Variants in PCLO observed in about 807,000 individuals in gnomAD.
PCLO encodes the protein protein piccolo.
A neutral mutation model predicts 427.5 loss-of-function variants in PCLO; 82 were observed. The ratio of observed to expected loss-of-function variants is 0.19; its 90% CI spans 0.16 to 0.23. The LOEUF (loss-of-function observed/expected upper bound fraction) is 0.23, where lower values mean the gene tolerates loss of function less well. Ranked by LOEUF, PCLO falls within the 10% of genes least tolerant of loss-of-function variation. The pLI, the probability that PCLO is intolerant of heterozygous loss-of-function variation, is 1.00. For missense variants in PCLO, 6,239 were observed against 6,115.9 expected (o/e 1.02, Z -0.67); for synonymous variants, 2,357 against 2,155.4 (o/e 1.09, Z -2.59).
chr7:83,084,337 C>A (rs7784368), intron 3 of PCLO, among the ~76,000 whole-genome samples: 74,203 of 151,646 alleles, frequency 0.49, 18,267 homozygotes, highest in African/African-American at 0.51. Context: ...ATAAAAAAAT[C>A]TTTGAAGCCC....
chr7:83,132,780 A>G (rs1440713500), intron 3 of PCLO, among the ~76,000 whole-genome samples: 3 of 152,102 alleles, frequency 2.0e-5, no homozygotes, highest in African/African-American at 7.2e-5. Context: ...TGTTGATACT[A>G]TAAGGATCCT....
chr7:82,998,129 T>C (rs1331080823), intron 3 of PCLO, among the ~76,000 whole-genome samples: 1 of 151,906 alleles, frequency 6.6e-6, no homozygotes, highest in Non-Finnish European at 1.5e-5. Flanking sequence ...CGGAAACCAG[T>C]ACTGGGGCTG....
chr7:82,953,012 T>C lies in PCLO; in HGVS notation c.7941A>G (p.Thr2647=). The C allele has an allele frequency of 6.2e-7, 1 of 1,613,854 alleles. No individual in the cohort carries two copies. Among genetic ancestry groups the C allele is most frequent in the South Asian group, 1.1e-5 (1 of 91,070 alleles). ...QTFYISGALQ[T]FSATPVTAPS... ...GTGCTGTGACAGGGGTAGCAGAAAATGTCTGTAAAGCTCCAGAGATGTAGA... is the reference window on the plus strand; with the variant it reads ...GTGCTGTGACAGGGGTAGCAGAAAACGTCTGTAAAGCTCCAGAGATGTAGA... The change falls in exon 5 of 25, where the codon ACA becomes ACG. Residue 2647 remains threonine, a synonymous_variant. Coordinates refer to ENST00000333891, the MANE Select transcript of PCLO (RefSeq NM_033026.6).
intron 20 of PCLO, among the ~76,000 whole-genome samples, chr7:82,818,840 A>G (rs2115619211): frequency 6.6e-6 from 1 of 152,320 alleles, no homozygotes; most frequent in South Asian, 2.1e-4. Context: ...ACTCTGTACA[A>G]CATGAAGAAC....
In PCLO at chr7:83,134,374, C is replaced by T. The variant is rs779314688; in HGVS notation, c.3176G>A (p.Cys1059Tyr). 2 of 1,613,628 alleles carry T rather than the reference C, an allele frequency of 1.2e-6. No homozygotes were observed. The highest frequency in any genetic ancestry group is 1.7e-5 in the Admixed American group (1 of 59,974). The change falls in exon 3 of 25, where the codon TGT (cysteine) becomes TAT (tyrosine). Residue 1059 changes from cysteine (C) to tyrosine (Y), a missense_variant. Transcript: ENST00000333891. Reference sequence around the variant, plus strand: ...GTTGAGTTCAGTTTTGCAGAGAGGACAGGTTGATTCTGGTTTGGGCGATTT... The same window carrying T: ...GTTGAGTTCAGTTTTGCAGAGAGGATAGGTTGATTCTGGTTTGGGCGATTT... ...LEKSPKPEST[C>Y]PLCKTELNIG...
chr7:83,044,692 A>T (rs1365278283), intron 3 of PCLO, among the ~76,000 whole-genome samples: 1 of 152,154 alleles, frequency 6.6e-6, no homozygotes, highest in Non-Finnish European at 1.5e-5. Flanking sequence ...TATTATACTG[A>T]TTGGTAATTT....
At chr7:82,927,072 A>T (rs951504258) in intron 6 of PCLO, among the ~76,000 whole-genome samples, 1 of 152,074 alleles carries the variant, frequency 6.6e-6, no homozygotes, top group African/African-American at 2.4e-5. Flanking sequence ...CAACCACTTT[A>T]TTCAACTATC....
chr7:82,965,464 C>T (rs1022937431), intron 4 of PCLO, among the ~76,000 whole-genome samples: 3 of 151,614 alleles, frequency 2.0e-5, no homozygotes, highest in African/African-American at 7.3e-5. Flanking sequence ...TTTTTATATC[C>T]ATAGTAGAGA....
intron 15 of PCLO, 116 bp downstream of exon 15, chr7:82,838,102 G>A (rs1292748697): frequency 1.4e-6 from 1 of 724,510 alleles, no homozygotes; most frequent in Admixed American, 3.2e-5. Flanking sequence ...GACATGTGGA[G>A]GAAAGTAAGG....
chr7:82,815,039 T>C (rs775596953), intron 20 of PCLO, among the ~76,000 whole-genome samples: 9 of 152,038 alleles, frequency 5.9e-5, no homozygotes, highest in Non-Finnish European at 1.3e-4. Context: ...AAATATCAAG[T>C]TTTCAGCTTT....
chr7:82,760,500 G>A, intron 24 of PCLO, 139 bp downstream of exon 24: 2 of 489,814 alleles, frequency 4.1e-6, no homozygotes, highest in South Asian at 1.4e-4. Context: ...AAGATTCCTG[G>A]GGAGATACTG....
intron 3 of PCLO, among the ~76,000 whole-genome samples, chr7:82,978,559 GT>G (rs1468007605): frequency 6.6e-6 from 1 of 151,824 alleles, no homozygotes; most frequent in Non-Finnish European, 1.5e-5. Context: ...AAGAATCAAA[GT>G]AATTATATAG....
At chr7:82,782,437 C>T (rs979570571) in intron 22 of PCLO, among the ~76,000 whole-genome samples, 1 of 152,126 alleles carries the variant, frequency 6.6e-6, no homozygotes, top group African/African-American at 2.4e-5. Flanking sequence ...TCATTATTTT[C>T]ATTTATTTTG....
At position 82,955,054 on chromosome 7, in the gene PCLO, C is replaced by G. The variant is rs1357633326; in HGVS notation, c.5899G>C (p.Gly1967Arg). 1 of 1,613,790 alleles carries G rather than the reference C, an allele frequency of 6.2e-7. No homozygotes were observed. The highest frequency in any genetic ancestry group is 1.1e-5 in the South Asian group (1 of 91,078). The change falls in exon 5 of 25, where the codon GGA (glycine) becomes CGA (arginine). Residue 1967 changes from glycine to arginine, a missense_variant. By Grantham distance (125) the Gly-to-Arg change is moderately radical. This residue lies in a region of PCLO where 4,677 missense variants were observed against 4,468.4 expected (regional missense o/e 1.05). Transcript: ENST00000333891. ...GTTAGCAGACTGCCATCTACCGATC[C>G]ATTGTACGTGTCTTCTACTAAAGAT... Reference protein sequence around the residue: ...YESLVEDTYNGSVDGSLLTRQ... With the variant: ...YESLVEDTYNRSVDGSLLTRQ...
At chr7:82,942,790 CATT>C (rs1170132015) in intron 6 of PCLO, among the ~76,000 whole-genome samples, 2 of 151,830 alleles carry the variant, frequency 1.3e-5, no homozygotes, top group East Asian at 1.9e-4. Context: ...CATGAGAAAA[CATT>C]AGTAATGAAG....
At chr7:83,126,444 G>T (rs983462407) in intron 3 of PCLO, among the ~76,000 whole-genome samples, 3 of 152,040 alleles carry the variant, frequency 2.0e-5, no homozygotes, top group African/African-American at 7.2e-5. Flanking sequence ...TTATCCTGAT[G>T]TGATTATTAT....
At chr7:82,997,584 T>A (rs1787660505) in intron 3 of PCLO, among the ~76,000 whole-genome samples, 1 of 151,872 alleles carries the variant, frequency 6.6e-6, no homozygotes, top group East Asian at 1.9e-4. Flanking sequence ...CAGAGTTGCA[T>A]AAACAAAAAT....
In PCLO at chr7:82,755,965, T is replaced by C. The variant is rs1013293034; in HGVS notation, c.*2610A>G. On this transcript the variant is annotated 3_prime_UTR_variant, in exon 25 of 25. Coordinates refer to ENST00000333891, the MANE Select transcript of PCLO (RefSeq NM_033026.6). ...GAAGCCCTGTTGTCAACTCTGCTGATTGACCTAGCCCCATCGCTAGTTCCT... is the reference window on the plus strand; with the variant it reads ...GAAGCCCTGTTGTCAACTCTGCTGACTGACCTAGCCCCATCGCTAGTTCCT... The C allele has an allele frequency of 1.2e-4, 19 of 152,154 alleles. No individual in the cohort carries two copies. The highest frequency in any genetic ancestry group is 4.3e-4 in the African/African-American group (18 of 41,434). 9.4% of individuals were successfully genotyped at this position (152,154 alleles called of 1,614,324 possible).
At chr7:83,009,616 C>T (rs766036943) in intron 3 of PCLO, among the ~76,000 whole-genome samples, 5 of 151,676 alleles carry the variant, frequency 3.3e-5, no homozygotes, top group Admixed American at 1.3e-4. Context: ...ACAGAGAATA[C>T]AAAGCTCGTA....
Sources: gnomAD v4.1 joint callset for allele counts (sites outside exome capture counted in the v4.1 genomes callset) on GRCh38, gnomAD v4.1.1 for gene constraint, gnomAD v4.1.1 regional missense constraint, MANE v1.5 for transcripts, NCBI Gene and HGNC (gene_info 2026-07-23, HGNC 2026-07-21) for gene names.